The following AKTIP variants were observed in gnomAD, a reference collection of about 807,000 sequenced individuals.
AKTIP encodes AKT interacting protein.
AKTIP carries 16 observed loss-of-function variants against 39.1 expected under a neutral mutation model. That is an observed-to-expected ratio of 0.41 (90% CI 0.28 to 0.62). The LOEUF (loss-of-function observed/expected upper bound fraction) is 0.62, where lower values mean the gene tolerates loss of function less well. AKTIP is among the 20% of genes least tolerant of loss of function. The pLI is 0.32. For synonymous variants in AKTIP, 93 were observed against 124.3 expected, an observed-to-expected ratio of 0.75 and a Z score of 1.67; for missense variants, 262 against 356.6, an observed-to-expected ratio of 0.73 and a Z score of 2.14.
At position 53,492,299 on chromosome 16, in the gene AKTIP, A is replaced by T. The variant is rs1961530091; in HGVS notation, c.*113T>A. ...CTATGCATACATGGAAAACACTGGC[A>T]GTCAGTCATTGTTCACACAGTTTTA... On this transcript the variant is annotated 3_prime_UTR_variant, in exon 10 of 10. Coordinates refer to ENST00000394657, the MANE Select transcript of AKTIP (RefSeq NM_022476.4). 1.1e-6 allele frequency: 1 copy of T among 886,852 alleles called. No homozygotes were observed. The highest frequency in any genetic ancestry group is 1.6e-5 in the South Asian group (1 of 62,764). 54.9% of individuals were successfully genotyped at this position (886,852 alleles called of 1,614,324 possible).
Position 53,495,190 on chromosome 16 carries a change from AAG to A in AKTIP, c.314-19_314-18del, listed in dbSNP as rs1248171039. ...CAAACCACACTGTAGGAAAAAATAAAAGAGTTAAGGCCTAAATTTGTGTGGGA... is the reference window on the plus strand; with the variant it reads ...CAAACCACACTGTAGGAAAAAATAAAAGTTAAGGCCTAAATTTGTGTGGGA... On this transcript the variant is annotated intron_variant, in intron 4 of 9. Transcript: ENST00000394657. 1 of 1,612,536 alleles carries A rather than the reference AAG, an allele frequency of 6.2e-7. No individual in the cohort carries two copies. The highest frequency in any genetic ancestry group is 1.7e-5 in the Admixed American group (1 of 59,844).
chr16:53,503,671 G>A (rs1392092258), upstream of AKTIP, among the ~76,000 whole-genome samples: 2 of 152,206 alleles, frequency 1.3e-5, no homozygotes, highest in African/African-American at 4.8e-5. Context: ...ACGTCTGCAA[G>A]CCAAGCTTTT....
chr16:53,494,481 T>C (rs776788111), intron 6 of AKTIP, 36 bp downstream of exon 6: 42 of 1,613,562 alleles, frequency 2.6e-5, no homozygotes, highest in Admixed American at 5.0e-5. Flanking sequence ...CCTCTTGCTG[T>C]ATTATGTCAC....
intron 3 of AKTIP, among the ~76,000 whole-genome samples, chr16:53,495,861 G>A (rs1355814066): frequency 1.3e-5 from 2 of 152,248 alleles, no homozygotes; most frequent in African/African-American, 4.8e-5. Context: ...TCCCACAGCA[G>A]AAGGCAATGT....
At chr16:53,500,388 T>G in intron 1 of AKTIP, 59 bp from the exon 2 acceptor site, 1 of 1,232,138 alleles carries the variant, frequency 8.1e-7, no homozygotes, top group Non-Finnish European at 1.1e-6. Flanking sequence ...AGACTTTTTT[T>G]TTTTTTTAAG....
chr16:53,504,206 G>C (rs531891621), upstream of AKTIP: 73 of 149,926 alleles, frequency 4.9e-4, 1 homozygote, highest in African/African-American at 1.3e-3. Flanking sequence ...TTCCAGGCCT[G>C]TTCTTACCAA....
In AKTIP at chr16:53,493,406, G is replaced by A. The variant is rs74781443; in HGVS notation, c.711-653C>T. 2.7e-3 allele frequency: 413 copies of A among 153,146 alleles called. 15 individuals are homozygous for A. In the East Asian group the frequency reaches 0.074, roughly 27 times the overall value. 9.5% of individuals were successfully genotyped at this position (153,146 alleles called of 1,614,324 possible). ...AGGCTGGTCTCGAACTCCCAACTTC[G>A]GGTGATCTCCCCGCCTCGGCCTCCC... On this transcript the variant is annotated intron_variant, in intron 8 of 9. Coordinates refer to ENST00000394657, the MANE Select transcript of AKTIP (RefSeq NM_022476.4).
chr16:53,503,254 ACCCCG>A (rs1177253740), upstream of AKTIP: 2 of 43,978 alleles, frequency 4.5e-5, no homozygotes, highest in Non-Finnish European at 1.1e-4. Context: ...GCCCCGCCCC[ACCCCG>A]CCCTGCCCTG....
At position 53,491,091 on chromosome 16, in the gene AKTIP, A is replaced by AC. The variant is rs1961415886; in HGVS notation, c.*1320dup. ...TTTTATATTTTTTTAAAATGTTAAA[A>AC]CCCCTATAGCCACCTTTTGGGAATG... On this transcript the variant is annotated 3_prime_UTR_variant, in exon 10 of 10. Transcript: ENST00000394657. 1.3e-5 allele frequency: 2 copies of AC among 152,550 alleles called. No individual in the cohort carries two copies. The allele number at this position is 152,550 out of a possible 1,614,324, so 9.4% of individuals were successfully genotyped here. A position where few individuals can be genotyped will look rare whatever the true frequency, so the allele number is the denominator to read the frequency against.
chr16:53,491,790 C>A lies in AKTIP; in HGVS notation c.*622G>T, dbSNP rs1298178182. Reference sequence around the variant, plus strand: ...CGGACTTCATTAGAAACCGTTGTAACACTTTTTCTCCCTCCTGCCATAAAA... The same window carrying A: ...CGGACTTCATTAGAAACCGTTGTAAAACTTTTTCTCCCTCCTGCCATAAAA... On this transcript the variant is annotated 3_prime_UTR_variant, in exon 10 of 10. Transcript: ENST00000394657. 3.9e-5 allele frequency: 6 copies of A among 152,292 alleles called. No individual in the cohort carries two copies. The highest frequency in any genetic ancestry group is 7.4e-5 in the Non-Finnish European group (5 of 67,980). The allele number at this position is 152,292 out of a possible 1,614,324, so 9.4% of individuals were successfully genotyped here. A position where few individuals can be genotyped will look rare whatever the true frequency, so the allele number is the denominator to read the frequency against.
intron 3 of AKTIP, among the ~76,000 whole-genome samples, chr16:53,497,789 G>A (rs1381843162): frequency 2.0e-5 from 3 of 152,152 alleles, no homozygotes; most frequent in East Asian, 1.9e-4. Context: ...TCGCTTTATC[G>A]CCCAGGCTGG....
upstream of AKTIP, among the ~76,000 whole-genome samples, chr16:53,504,109 T>TTTA (rs1555574070): frequency 9.9e-5 from 14 of 141,700 alleles, 1 homozygote; most frequent in African/African-American, 2.8e-4. Context: ...TTTTTTTTTT[T>TTTA]AATTCACACG....
At chr16:53,503,289 G>A (rs981399959), upstream of AKTIP, 10 of 138,978 alleles carry the variant, frequency 7.2e-5, no homozygotes, top group African/African-American at 2.4e-4. Context: ...GCCCTCGGCA[G>A]CGGGCTCCGC....
intron 3 of AKTIP, among the ~76,000 whole-genome samples, chr16:53,496,750 A>AGAGGCAGAGGCTCTGAG (rs1005919447): frequency 1.2e-4 from 19 of 152,198 alleles, no homozygotes; most frequent in African/African-American, 4.1e-4. Context: ...AGGAGAATCC[A>AGAGGCAGAGGCTCTGAG]GAGGCAGAGG....
upstream of AKTIP, chr16:53,503,259 G>GCCCCGCCCCACCCCA (rs1381452800): frequency 1.9e-4 from 7 of 37,060 alleles, no homozygotes; most frequent in Non-Finnish European, 2.9e-4. Flanking sequence ...GCCCCACCCC[G>GCCCCGCCCCACCCCA]CCCTGCCCTG....
intron 3 of AKTIP, among the ~76,000 whole-genome samples, chr16:53,497,584 G>C (rs1242097496): frequency 6.6e-6 from 1 of 152,156 alleles, no homozygotes; most frequent in African/African-American, 2.4e-5. Flanking sequence ...CCATCTGTCA[G>C]GAGGCTGCCT....
rs772184838 is a variant in AKTIP at position 53,494,355 on chromosome 16, G to C, written c.586C>G (p.Pro196Ala). The C allele has an allele frequency of 6.2e-7, 1 of 1,614,066 alleles. No individual in the cohort carries two copies. The highest frequency in any genetic ancestry group is 8.5e-7 in the Non-Finnish European group (1 of 1,179,988). The change falls in exon 7 of 10, where the codon CCA becomes GCA. Residue 196 changes from proline to alanine, a missense_variant. Physicochemically the swap from Pro to Ala is conservative, Grantham distance 27 (BLOSUM62 -1). Coordinates refer to ENST00000394657, the MANE Select transcript of AKTIP (RefSeq NM_022476.4). ...YKIDTASPLN[P>A]EAAVLYEKDI... ...GTTACATACAGTACTGCAGCCTCTG[G>C]GTTCAGGGGGCTTGCTGTATCAATC...
chr16:53,492,569 T>C (rs752520294), intron 9 of AKTIP, 50 bp from the exon 10 acceptor site: 2 of 1,606,806 alleles, frequency 1.2e-6, no homozygotes, highest in East Asian at 2.2e-5. Flanking sequence ...GGTGAGGAGA[T>C]TTCAGCACTG....
chr16:53,493,075 A>G (rs998104249), intron 8 of AKTIP: 52 of 255,554 alleles, frequency 2.0e-4, no homozygotes, highest in African/African-American at 1.1e-3. Flanking sequence ...GCTGACTCCA[A>G]GCTCTTTTTT....
Sources: allele counts gnomAD v4.1 joint callset (sites outside exome capture counted in the v4.1 genomes callset), GRCh38; gene constraint gnomAD v4.1.1; transcripts MANE v1.5; gene names NCBI Gene and HGNC (gene_info 2026-07-23, HGNC 2026-07-21).